The following PI4K2A variants were observed in gnomAD, a reference collection of about 807,000 sequenced individuals.
The protein encoded by PI4K2A is phosphatidylinositol 4-kinase type 2-alpha.
In PI4K2A, 20 loss-of-function variants were observed where a neutral mutation model predicts 55.0. The observed-to-expected ratio is 0.36, with a 90% confidence interval of 0.26 to 0.53. The LOEUF is 0.53. Ranked by LOEUF, PI4K2A falls within the 20% of genes least tolerant of loss-of-function variation. The pLI, the probability that PI4K2A is intolerant of heterozygous loss-of-function variation, is 0.91. For synonymous variants in PI4K2A, 235 were observed against 258.5 expected, an observed-to-expected ratio of 0.91 and a Z score of 0.87; for missense variants, 463 against 637.1, an observed-to-expected ratio of 0.73 and a Z score of 2.94.
At chr10:97,655,699 G>A (rs181906586) in intron 2 of PI4K2A, among the ~76,000 whole-genome samples, 2,219 of 145,462 alleles carry the variant, frequency 0.015, 39 homozygotes, top group African/African-American at 0.051. Context: ...CTCAGCCTCC[G>A]AAGTATCTAG....
chr10:97,654,482 T>A (rs531524485), intron 2 of PI4K2A, among the ~76,000 whole-genome samples: 1 of 152,138 alleles, frequency 6.6e-6, no homozygotes, highest in African/African-American at 2.4e-5. Flanking sequence ...GGAAAAAAAA[T>A]AGTTATTTGT....
chr10:97,666,321 C>A, intron 6 of PI4K2A, 117 bp from the exon 7 acceptor site: 1 of 874,148 alleles, frequency 1.1e-6, no homozygotes, highest in Non-Finnish European at 1.8e-6. Context: ...GTTTTTGTTT[C>A]TGTTGTATGT....
chr10:97,646,270 T>C (rs2041504568), intron 1 of PI4K2A, among the ~76,000 whole-genome samples: 1 of 151,004 alleles, frequency 6.6e-6, no homozygotes, highest in African/African-American at 2.4e-5. Context: ...TCAGGCTAGA[T>C]CAGGCATGAT....
rs2041507551 is a variant in PI4K2A at position 97,646,867 on chromosome 10, T to G, written c.436-4074T>G. Among the ~76,000 whole-genome samples the G allele has an allele frequency of 2.0e-5, 3 of 152,012 alleles. No homozygotes were observed. In the South Asian group the frequency reaches 6.2e-4, roughly 32 times the overall value. On this transcript the variant is annotated intron_variant, in intron 1 of 8. Coordinates refer to ENST00000370631, the Ensembl canonical transcript of PI4K2A. ...TTGGCTCACTGCAACTTCCACCTCC[T>G]GGGTTCAAGCGATTCTCCCGCCTCA...
Position 97,651,949 on chromosome 10 carries a change from C to T in PI4K2A, c.636+808C>T, listed in dbSNP as rs570971751. On this transcript the variant is annotated intron_variant, in intron 2 of 8. Coordinates refer to ENST00000370631, the Ensembl canonical transcript of PI4K2A. ...GTCCGGACACATCATTCACTGAGTACGTGGCTACCTGGGGTTTAGTAACAA... is the reference window on the plus strand; with the variant it reads ...GTCCGGACACATCATTCACTGAGTATGTGGCTACCTGGGGTTTAGTAACAA... Among the ~76,000 whole-genome samples the T allele has an allele frequency of 3.7e-4, 56 of 152,204 alleles. 1 individual carries two copies. Among genetic ancestry groups the T allele is most frequent in the African/African-American group, 1.2e-3 (49 of 41,530 alleles).
chr10:97,668,329 G>A (rs554124335), intron 8 of PI4K2A, among the ~76,000 whole-genome samples: 2 of 152,324 alleles, frequency 1.3e-5, no homozygotes, highest in South Asian at 4.1e-4. Flanking sequence ...TGTAATCCCA[G>A]CACTTTGAGA....
At chr10:97,673,085 C>A (rs998541636) in intron 8 of PI4K2A, among the ~76,000 whole-genome samples, 1 of 151,820 alleles carries the variant, frequency 6.6e-6, no homozygotes, top group South Asian at 2.1e-4. Flanking sequence ...CTCCCGGGTT[C>A]GAGCAATTCT....
At chr10:97,666,959 T>G in intron 7 of PI4K2A, 102 bp from the exon 8 acceptor site, 1 of 837,812 alleles carries the variant, frequency 1.2e-6, no homozygotes, top group South Asian at 1.5e-5. Flanking sequence ...TGCAGAAGCC[T>G]TATGCAGGTT....
chr10:97,646,746 C>T (rs574148695), intron 1 of PI4K2A, among the ~76,000 whole-genome samples: 2 of 152,076 alleles, frequency 1.3e-5, no homozygotes, highest in African/African-American at 2.4e-5. Context: ...ATATAGGAAC[C>T]CCGCTGGGTT....
intron 1 of PI4K2A, among the ~76,000 whole-genome samples, chr10:97,644,567 T>TGCCAGCTGATCA (rs2041494981): frequency 6.6e-6 from 1 of 152,208 alleles, no homozygotes; most frequent in Non-Finnish European, 1.5e-5. Context: ...GGGTTCTTCC[T>TGCCAGCTGATCA]GCCAGCTGAT....
chr10:97,648,850 A>C (rs942706736), intron 1 of PI4K2A, among the ~76,000 whole-genome samples: 1 of 152,362 alleles, frequency 6.6e-6, no homozygotes, highest in East Asian at 1.9e-4. Context: ...GCTTTGCATA[A>C]GAAAGTAATT....
At chr10:97,642,349 G>T (rs1203074730) in intron 1 of PI4K2A, among the ~76,000 whole-genome samples, 2 of 151,876 alleles carry the variant, frequency 1.3e-5, no homozygotes, top group Admixed American at 1.3e-4. Context: ...TACATAAACT[G>T]AGTTGGGGAA....
intron 8 of PI4K2A, among the ~76,000 whole-genome samples, chr10:97,672,418 TAGAA>T (rs2041640653): frequency 6.6e-6 from 1 of 152,158 alleles, no homozygotes; most frequent in Non-Finnish European, 1.5e-5. Flanking sequence ...TATAGTTAGA[TAGAA>T]AGATAGAATT....
At chr10:97,667,594 A>G (rs2041616015) in intron 8 of PI4K2A, among the ~76,000 whole-genome samples, 1 of 152,088 alleles carries the variant, frequency 6.6e-6, no homozygotes, top group Non-Finnish European at 1.5e-5. Context: ...GGCCCTCCCA[A>G]TTCTCCCACC....
chr10:97,665,424 G>A (rs571484426), intron 6 of PI4K2A, among the ~76,000 whole-genome samples: 16 of 151,970 alleles, frequency 1.1e-4, no homozygotes, highest in African/African-American at 3.4e-4. Flanking sequence ...ACAGGCATGC[G>A]CCACCACGCC....
chr10:97,669,088 ACTCCTGAT>A (rs1162980362), intron 8 of PI4K2A, among the ~76,000 whole-genome samples: 1 of 151,632 alleles, frequency 6.6e-6, no homozygotes, highest in Admixed American at 6.6e-5. Context: ...GTGGTCTCAA[ACTCCTGAT>A]CTCAGGTGAT....
At chr10:97,673,073 G>A (rs1589939998) in intron 8 of PI4K2A, among the ~76,000 whole-genome samples, 4 of 151,212 alleles carry the variant, frequency 2.6e-5, no homozygotes, top group African/African-American at 9.7e-5. Flanking sequence ...TGCAACCTCC[G>A]CCTCCCGGGT....
chr10:97,672,898 T>A (rs1196510328), intron 8 of PI4K2A, among the ~76,000 whole-genome samples: 1 of 151,370 alleles, frequency 6.6e-6, no homozygotes, highest in Admixed American at 6.6e-5. Context: ...ACCTGGCTAA[T>A]TTTTTTGTAT....
chr10:97,666,978 TAGAA>T, intron 7 of PI4K2A, 79 bp from the exon 8 acceptor site: 1 of 1,079,336 alleles, frequency 9.3e-7, no homozygotes, highest in Non-Finnish European at 1.4e-6. Flanking sequence ...TTTTCCTTCT[TAGAA>T]AGTTTCTAAC....
Sources: gnomAD v4.1 joint callset for allele counts (sites outside exome capture counted in the v4.1 genomes callset) on GRCh38, gnomAD v4.1.1 for gene constraint, MANE v1.5 for transcripts, NCBI Gene and HGNC (gene_info 2026-07-23, HGNC 2026-07-21) for gene names.